The following COL4A5 variants were observed in gnomAD, a reference collection of about 807,000 sequenced individuals.
COL4A5 encodes the protein collagen alpha-5(IV) chain.
In COL4A5, 26 loss-of-function variants were observed where a neutral mutation model predicts 130.2. The ratio of observed to expected loss-of-function variants is 0.20; its 90% CI spans 0.15 to 0.28. COL4A5 has a LOEUF of 0.28. COL4A5 is among the 10% of genes least tolerant of loss of function. The pLI is 1.00. For synonymous variants in COL4A5, 496 were observed against 439.6 expected (o/e 1.13, Z -1.60); for missense variants, 1,131 against 1,344.3 (o/e 0.84, Z 2.48).
Position 108,473,633 on chromosome X carries a change from A to ATATATATTTTTT in COL4A5, c.81+33428_81+33429insATATATTTTTTT. Among the ~76,000 whole-genome samples, 55 of 34,560 alleles carry ATATATATTTTTT rather than the reference A, an allele frequency of 1.6e-3. 1 individual carries two copies. The highest frequency in any genetic ancestry group is 5.7e-3 in the African/African-American group (53 of 9,273). The allele number at this position is 34,560 out of a possible 115,157, so 30.0% of individuals were successfully genotyped here. ...TATATGTATATATATATATATATAT[A>ATATATATTTTTT]TTTTTTTTTTTTTGAGATGAAGTCT... On this transcript the variant is annotated intron_variant, in intron 1 of 52. Transcript: ENST00000328300.
chrX:108,554,492 T>C (rs1436801353), intron 2 of COL4A5, among the ~76,000 whole-genome samples: 1 of 111,216 alleles, frequency 9.0e-6, no homozygotes, highest in Non-Finnish European at 1.9e-5. Flanking sequence ...CACTTGGGGA[T>C]TATGTGGTAT....
intron 1 of COL4A5, among the ~76,000 whole-genome samples, chrX:108,518,511 G>A (rs987752879): frequency 8.1e-5 from 9 of 110,988 alleles, no homozygotes; most frequent in Admixed American, 9.6e-5. Context: ...GAGTTTATGA[G>A]AAGCCTTAAA....
intron 17 of COL4A5, among the ~76,000 whole-genome samples, chrX:108,583,995 T>G (rs183397282): frequency 9.5e-6 from 1 of 104,760 alleles, no homozygotes; most frequent in Non-Finnish European, 1.9e-5. Context: ...CCATCACATC[T>G]AAAATGTCTG....
At chrX:108,656,412 G>C (rs1270805967) in intron 37 of COL4A5, among the ~76,000 whole-genome samples, 1 of 111,876 alleles carries the variant, frequency 8.9e-6, no homozygotes, top group Non-Finnish European at 1.9e-5. Flanking sequence ...CCTGTTGATG[G>C]ACTTTTGGGT....
chrX:108,680,570 T>A (rs2068406364), intron 44 of COL4A5, 109 bp from the exon 45 acceptor site: 1 of 640,874 alleles, frequency 1.6e-6, no homozygotes, highest in African/African-American at 2.2e-5. Flanking sequence ...GTCTTGGAAG[T>A]TTGACTCTAG....
chrX:108,579,864 TA>T (rs1306706494), intron 13 of COL4A5, among the ~76,000 whole-genome samples: 23 of 111,985 alleles, frequency 2.1e-4, no homozygotes, highest in African/African-American at 6.8e-4. Context: ...TTTATAAGAA[TA>T]AAAAATTGTC....
At chrX:108,539,391 T>A (rs1281751422) in intron 1 of COL4A5, among the ~76,000 whole-genome samples, 2 of 112,096 alleles carry the variant, frequency 1.8e-5, no homozygotes, top group African/African-American at 6.5e-5. Context: ...GTACTTTATA[T>A]GTGAATATAT....
chrX:108,473,493 G>A (rs2064794612), intron 1 of COL4A5, among the ~76,000 whole-genome samples: 1 of 104,957 alleles, frequency 9.5e-6, no homozygotes, highest in South Asian at 4.3e-4. Context: ...AGACTAATAC[G>A]TGTGCTTGTG....
At chrX:108,607,668 G>C (rs1441606758) in intron 29 of COL4A5, among the ~76,000 whole-genome samples, 1 of 109,882 alleles carries the variant, frequency 9.1e-6, no homozygotes, top group Non-Finnish European at 1.9e-5. Context: ...ATTTTTAGTA[G>C]AGACAGGGTT....
intron 36 of COL4A5, among the ~76,000 whole-genome samples, chrX:108,654,514 C>A (rs1176362170): frequency 6.2e-5 from 7 of 112,718 alleles, no homozygotes; most frequent in Non-Finnish European, 1.3e-4. Context: ...GGCATGATCA[C>A]GGCTCAATAT....
At chrX:108,440,349 G>C in intron 1 of COL4A5, 143 bp downstream of exon 1, 1 of 482,100 alleles carries the variant, frequency 2.1e-6, no homozygotes, top group Non-Finnish European at 3.6e-6. Flanking sequence ...AGGAAGAAAC[G>C]TTATTTGCAA....
intron 1 of COL4A5, among the ~76,000 whole-genome samples, chrX:108,489,209 T>A (rs1197658402): frequency 8.9e-6 from 1 of 111,909 alleles, no homozygotes; most frequent in Non-Finnish European, 1.9e-5. Context: ...AGGTGAGAAG[T>A]TCAGTGTATA....
At chrX:108,680,601 A>C in intron 44 of COL4A5, 78 bp from the exon 45 acceptor site, 2 of 774,443 alleles carry the variant, frequency 2.6e-6, no homozygotes, top group Non-Finnish European at 4.0e-6. Context: ...ATATGCCACT[A>C]TGTAATTCTT....
rs142327730 is a variant in COL4A5, at chrX:108,470,740, G to A, written c.81+30534G>A. ...TCCCAAGGCTAATGTCCAGGATGGT[G>A]GTTCCTAGGTTTTCTTCTAGGATTC... On this transcript the variant is annotated intron_variant, in intron 1 of 52. Coordinates refer to ENST00000328300, the MANE Select transcript of COL4A5 (RefSeq NM_033380.3). Among the ~76,000 whole-genome samples the A allele has an allele frequency of 1.9e-3, 215 of 111,108 alleles. 2 individuals are homozygous for A. In the East Asian group the frequency reaches 0.057, roughly 29 times the overall value.
In COL4A5 at chrX:108,696,610, AC is replaced by A. The variant is rs1474882326; in HGVS notation, c.*233del. 47 of 259,341 alleles carry A rather than the reference AC, an allele frequency of 1.8e-4. No homozygotes were observed. Among genetic ancestry groups the A allele is most frequent in the Middle Eastern group, 1.2e-3 (1 of 868 alleles). 21.4% of individuals were successfully genotyped at this position (259,341 alleles called of 1,213,427 possible). ...ACTAAAGAAATAAGGAAGTGAATTT[AC>A]TTTTTGGGTCCAGAATGACTTTCTC... On this transcript the variant is annotated 3_prime_UTR_variant, in exon 53 of 53. Transcript: ENST00000328300.
intron 4 of COL4A5, among the ~76,000 whole-genome samples, 194 bp downstream of exon 4, chrX:108,564,120 A>G (rs1480742014): frequency 1.8e-5 from 2 of 111,711 alleles, no homozygotes; most frequent in South Asian, 3.7e-4. Context: ...GCTATTACAT[A>G]TATTTTTATA....
At chrX:108,608,851 A>G (rs2066779458) in intron 29 of COL4A5, among the ~76,000 whole-genome samples, 1 of 111,541 alleles carries the variant, frequency 9.0e-6, no homozygotes, top group African/African-American at 3.3e-5. Flanking sequence ...TTTTTTCATC[A>G]TAAGTTATTT....
At chrX:108,555,042 A>G (rs911189917) in intron 2 of COL4A5, among the ~76,000 whole-genome samples, 4 of 112,800 alleles carry the variant, frequency 3.5e-5, no homozygotes, top group Non-Finnish European at 7.5e-5. Flanking sequence ...GTGCATATTA[A>G]TAAACAAAGA....
chrX:108,602,985 C>G lies in COL4A5; in HGVS notation c.2168C>G (p.Pro723Arg), dbSNP rs1308277905. 4 of 1,185,107 alleles carry G rather than the reference C, an allele frequency of 3.4e-6. No homozygotes were observed. Among genetic ancestry groups the G allele is most frequent in the Non-Finnish European group, 4.5e-6 (4 of 879,405 alleles). The change falls in exon 28 of 53, where the codon CCT (proline) becomes CGT (arginine). Residue 723 changes from proline (P) to arginine (R), a missense_variant. Physicochemically the swap from Pro to Arg is moderately radical, Grantham distance 103. Transcript: ENST00000328300. ...GPKGFPGIPGPPGAPGTPGRI... is the reference protein window; with the variant it reads ...GPKGFPGIPGRPGAPGTPGRI... ...ACAGGCTTTCCTGGAATTCCAGGAC[C>G]TCCAGGAGCACCTGGGACACCTGGA...
Sources: allele counts gnomAD v4.1 joint callset (sites outside exome capture counted in the v4.1 genomes callset), GRCh38; gene constraint gnomAD v4.1.1; transcripts MANE v1.5; gene names NCBI Gene and HGNC (gene_info 2026-07-23, HGNC 2026-07-21).